The following INPP4B variants were observed in gnomAD, a reference collection of about 807,000 sequenced individuals.
INPP4B encodes the protein inositol polyphosphate 4-phosphatase type II.
In INPP4B, 55 loss-of-function variants were observed where a neutral mutation model predicts 122.5. That is an observed-to-expected ratio of 0.45 (90% CI 0.36 to 0.56). The LOEUF is 0.56. Ranked by LOEUF, INPP4B falls within the 20% of genes least tolerant of loss-of-function variation. INPP4B has a pLI of 0.00. For synonymous variants in INPP4B, 403 were observed against 388.7 expected (o/e 1.04, Z -0.43); for missense variants, 1,000 against 1,097.7 (o/e 0.91, Z 1.26).
intron 2 of INPP4B, among the ~76,000 whole-genome samples, chr4:142,521,549 T>C (rs1353056172): frequency 6.6e-6 from 1 of 152,034 alleles, no homozygotes; most frequent in African/African-American, 2.4e-5. Flanking sequence ...CACTTTGCCA[T>C]ATTTGGTTCA....
At chr4:142,666,002 G>A (rs1169946056) in intron 2 of INPP4B, among the ~76,000 whole-genome samples, 5 of 152,160 alleles carry the variant, frequency 3.3e-5, no homozygotes, top group Non-Finnish European at 7.4e-5. Context: ...ACAAGATACT[G>A]TAATAAAAGT....
chr4:142,762,485 C>T (rs748506423), intron 1 of INPP4B, among the ~76,000 whole-genome samples: 2 of 152,134 alleles, frequency 1.3e-5, no homozygotes, highest in African/African-American at 2.4e-5. Flanking sequence ...CTGAGTGACA[C>T]TGCCTCTGGA....
intron 12 of INPP4B, among the ~76,000 whole-genome samples, chr4:142,225,163 T>C (rs1019558472): frequency 6.6e-6 from 1 of 152,138 alleles, no homozygotes; most frequent in Non-Finnish European, 1.5e-5. Flanking sequence ...TGGAAGAAGC[T>C]ACTGGGTTTC....
intron 2 of INPP4B, among the ~76,000 whole-genome samples, chr4:142,571,769 A>C (rs113680500): frequency 0.015 from 2,296 of 152,274 alleles, 24 homozygotes; most frequent in East Asian, 0.032. Flanking sequence ...CAATTTGAAT[A>C]AGATTATTCC....
chr4:142,081,586 A>C (rs1049572722), intron 25 of INPP4B, among the ~76,000 whole-genome samples: 1 of 152,092 alleles, frequency 6.6e-6, no homozygotes, highest in Middle Eastern at 3.2e-3. Flanking sequence ...ATCACCTATT[A>C]GTTGTAATTT....
At chr4:142,732,077 T>C (rs1766176901) in intron 1 of INPP4B, among the ~76,000 whole-genome samples, 1 of 152,274 alleles carries the variant, frequency 6.6e-6, no homozygotes, top group Admixed American at 6.5e-5. Flanking sequence ...CACAATCATT[T>C]AGCAAAAAGT....
intron 21 of INPP4B, among the ~76,000 whole-genome samples, chr4:142,120,395 G>A (rs1796074223): frequency 6.6e-6 from 1 of 152,024 alleles, no homozygotes; most frequent in Admixed American, 6.6e-5. Flanking sequence ...GATAGCGATT[G>A]CAATGAATCT....
intron 12 of INPP4B, among the ~76,000 whole-genome samples, chr4:142,213,384 G>T (rs957653130): frequency 6.6e-6 from 1 of 152,132 alleles, no homozygotes. Flanking sequence ...ATTAGCTTTG[G>T]AAAGGGAGGC....
Position 142,624,013 on chromosome 4 carries a change from C to A in INPP4B, c.-191+101826G>T, listed in dbSNP as rs980412173. 1.4e-3 allele frequency among the ~76,000 whole-genome samples: 213 copies of A among 152,160 alleles called. 2 individuals are homozygous for A. The highest frequency in any genetic ancestry group is 1.1e-3 in the Non-Finnish European group (73 of 68,006). On this transcript the variant is annotated intron_variant, in intron 2 of 25. Coordinates refer to ENST00000262992, the MANE Select transcript of INPP4B (RefSeq NM_001101669.3). The stretch of plus-strand genomic sequence containing the variant: ...TTCCAAGTCTTTGCTATCGTGAATA[C>A]TGCCGCAATAAACATACGTGTGCAT...
At chr4:142,561,721 C>A (rs1221533243) in intron 2 of INPP4B, among the ~76,000 whole-genome samples, 2 of 152,068 alleles carry the variant, frequency 1.3e-5, no homozygotes, top group Admixed American at 6.6e-5. Context: ...GCCTGGCTGA[C>A]TTGTTAAAGT....
intron 16 of INPP4B, among the ~76,000 whole-genome samples, chr4:142,162,992 A>AT (rs1412347306): frequency 6.6e-6 from 1 of 151,668 alleles, no homozygotes; most frequent in Non-Finnish European, 1.5e-5. Context: ...AAAAAATTTA[A>AT]TTTTTTTTGA....
rs1784196805 is a variant in INPP4B at position 142,846,300 on chromosome 4, G to C, written c.-345C>G. ...CGCTTGCGAGCGTGTGAGCGTGTGC[G>C]CGCCCAGGAGGAGCTGTAACCTGCT... On this transcript the variant is annotated 5_prime_UTR_variant, in exon 1 of 26. Coordinates refer to ENST00000262992, the MANE Select transcript of INPP4B (RefSeq NM_001101669.3). This position sits in a 1 kb window ranked among gnomAD's most constrained non-coding sequence, Gnocchi z 5.1. The C allele has an allele frequency of 6.6e-6, 1 of 152,420 alleles. No homozygotes were observed. The highest frequency in any genetic ancestry group is 6.5e-5 in the Admixed American group (1 of 15,282). 9.4% of individuals were successfully genotyped at this position (152,420 alleles called of 1,614,324 possible).
At chr4:142,812,003 T>C (rs1201436116) in intron 1 of INPP4B, among the ~76,000 whole-genome samples, 7 of 152,190 alleles carry the variant, frequency 4.6e-5, no homozygotes, top group Admixed American at 3.3e-4. Context: ...AACATCTTTT[T>C]TGAGAATCTC....
chr4:142,061,111 G>A (rs1760414540), intron 25 of INPP4B, among the ~76,000 whole-genome samples: 1 of 152,168 alleles, frequency 6.6e-6, no homozygotes, highest in Non-Finnish European at 1.5e-5. Flanking sequence ...GTTGATCCAG[G>A]CAGGTGAATG....
intron 2 of INPP4B, among the ~76,000 whole-genome samples, chr4:142,469,413 C>T (rs1254470825): frequency 6.6e-6 from 1 of 151,968 alleles, no homozygotes; most frequent in East Asian, 1.9e-4. Flanking sequence ...ATATTTACAG[C>T]ATAAATATCA....
chr4:142,028,981 A>T, intron 25 of INPP4B, 67 bp from the exon 26 acceptor site: 1 of 1,534,588 alleles, frequency 6.5e-7, no homozygotes, highest in South Asian at 1.3e-5. Flanking sequence ...TATTTGTTTA[A>T]TGCAGAGTTG....
chr4:142,421,642 A>C (rs1806919420), intron 5 of INPP4B, among the ~76,000 whole-genome samples: 1 of 152,138 alleles, frequency 6.6e-6, no homozygotes, highest in South Asian at 2.1e-4. Context: ...ATGAGCATTA[A>C]ATGCATCACC....
intron 1 of INPP4B, among the ~76,000 whole-genome samples, chr4:142,754,974 C>A (rs375822912): frequency 1.8e-4 from 27 of 152,024 alleles, no homozygotes; most frequent in African/African-American, 6.5e-4. Flanking sequence ...ATGATTTAGA[C>A]CTGCCTCATA....
chr4:142,748,305 C>A (rs1387613367), intron 1 of INPP4B, among the ~76,000 whole-genome samples: 3 of 151,788 alleles, frequency 2.0e-5, no homozygotes, highest in African/African-American at 7.3e-5. Context: ...AAAATAAAAT[C>A]TAAGTTTCTG....
Sources: allele counts gnomAD v4.1 joint callset (sites outside exome capture counted in the v4.1 genomes callset), GRCh38; gene constraint gnomAD v4.1.1; non-coding constraint Gnocchi (gnomAD v3.1); transcripts MANE v1.5; gene names NCBI Gene and HGNC (gene_info 2026-07-23, HGNC 2026-07-21).